Variants in ELP3 observed in about 807,000 individuals in gnomAD.
The protein encoded by ELP3 is elongator acetyltransferase complex subunit 3.
Under a neutral mutation model 74.9 loss-of-function variants are expected in ELP3, and 56 were observed. The observed-to-expected ratio is 0.75, with a 90% CI of 0.60 to 0.93. The LOEUF (loss-of-function observed/expected upper bound fraction) is 0.93, where lower values mean the gene tolerates loss of function less well. ELP3 is among the 40% of genes least tolerant of loss of function. The pLI, the probability that ELP3 is intolerant of heterozygous loss-of-function variation, is 0.00. For synonymous variants in ELP3, 222 were observed against 239.8 expected, an observed-to-expected ratio of 0.93 and a Z score of 0.68; for missense variants, 573 against 686.5, an observed-to-expected ratio of 0.83 and a Z score of 1.85.
intron 7 of ELP3, among the ~76,000 whole-genome samples, chr8:28,126,765 C>T (rs146166613): frequency 6.6e-5 from 10 of 152,222 alleles, no homozygotes; most frequent in South Asian, 4.2e-4. Context: ...AGCCTGTATG[C>T]GCATATTTGC....
chr8:28,175,258 C>T (rs910051313), intron 14 of ELP3, among the ~76,000 whole-genome samples: 4 of 152,180 alleles, frequency 2.6e-5, no homozygotes, highest in Admixed American at 6.5e-5. Context: ...CCCTCTGAAA[C>T]TCCAGCAATG....
In ELP3 at chr8:28,190,798, A is replaced by G. The variant is rs1419753890; in HGVS notation, c.*1073A>G. 6.6e-6 allele frequency: 1 copy of G among 152,206 alleles called. No individual in the cohort carries two copies. Among genetic ancestry groups the G allele is most frequent in the Non-Finnish European group, 1.5e-5 (1 of 68,042 alleles). 9.4% of individuals were successfully genotyped at this position (152,206 alleles called of 1,614,324 possible). Reference sequence around the variant, plus strand: ...GGTCTCGAACTCCTGACCTCAGGTGATCAACCCACCTTGGCCTCCCTAAAT... The same window carrying G: ...GGTCTCGAACTCCTGACCTCAGGTGGTCAACCCACCTTGGCCTCCCTAAAT... On this transcript the variant is annotated 3_prime_UTR_variant, in exon 15 of 15. Coordinates refer to ENST00000256398, the MANE Select transcript of ELP3 (RefSeq NM_018091.6).
intron 3 of ELP3, among the ~76,000 whole-genome samples, chr8:28,105,709 C>T (rs973999613): frequency 2.6e-5 from 4 of 152,200 alleles, no homozygotes; most frequent in Non-Finnish European, 5.9e-5. Flanking sequence ...ACCTTTAATT[C>T]CACCCAGCCC....
intron 14 of ELP3, among the ~76,000 whole-genome samples, chr8:28,185,466 G>A (rs1249577490): frequency 1.3e-5 from 2 of 152,218 alleles, no homozygotes; most frequent in African/African-American, 4.8e-5. Context: ...AGACACTGAT[G>A]ATAGAAGCCA....
intron 7 of ELP3, among the ~76,000 whole-genome samples, chr8:28,125,425 TC>T (rs1034863283): frequency 1.4e-4 from 21 of 152,210 alleles, no homozygotes; most frequent in Non-Finnish European, 2.8e-4. Flanking sequence ...CTCAGGCACA[TC>T]CAGTTGCAGT....
chr8:28,120,257 CT>C (rs1415154300), intron 7 of ELP3, among the ~76,000 whole-genome samples: 1 of 152,144 alleles, frequency 6.6e-6, no homozygotes, highest in South Asian at 2.1e-4. Flanking sequence ...TGTAGTCACT[CT>C]TTTTAATTTT....
At chr8:28,108,969 G>A (rs1391003028) in intron 5 of ELP3, among the ~76,000 whole-genome samples, 1 of 151,968 alleles carries the variant, frequency 6.6e-6, no homozygotes, top group Admixed American at 6.6e-5. Context: ...ATGTGAAAGG[G>A]GCATTCCTAG....
intron 13 of ELP3, 97 bp downstream of exon 13, chr8:28,160,553 G>A: frequency 9.7e-7 from 1 of 1,033,644 alleles, no homozygotes; most frequent in Non-Finnish European, 1.4e-6. Context: ...AGGCAGAGGA[G>A]CAGGAGAGGG....
chr8:28,155,543 T>TG (rs1813791619), intron 10 of ELP3, among the ~76,000 whole-genome samples: 1 of 152,246 alleles, frequency 6.6e-6, no homozygotes, highest in African/African-American at 2.4e-5. Flanking sequence ...AGCAGCTGTG[T>TG]GGGAAAATGT....
chr8:28,091,026 C>G (rs890457196), upstream of ELP3, among the ~76,000 whole-genome samples: 1 of 151,518 alleles, frequency 6.6e-6, no homozygotes, highest in Non-Finnish European at 1.5e-5. Context: ...CCTGCCTCAG[C>G]CTCCCAAGTA....
intron 14 of ELP3, among the ~76,000 whole-genome samples, chr8:28,172,450 T>C (rs759722591): frequency 2.6e-5 from 4 of 152,154 alleles, no homozygotes; most frequent in Non-Finnish European, 5.9e-5. Context: ...TTGTTCATTG[T>C]AAGCATATAG....
Position 28,137,815 on chromosome 8 carries a change from C to A in ELP3, c.1024C>A (p.Pro342Thr), listed in dbSNP as rs997438110. Residue 342 changes from proline (P) to threonine (T), a missense_variant, in exon 10 of 15, where the codon CCT becomes ACT. Pro to Thr is a conservative substitution (Grantham distance 38, BLOSUM62 -1). Transcript: ENST00000256398. ...WKSGRYKSYSPSDLVELVARI... is the reference protein window; with the variant it reads ...WKSGRYKSYSTSDLVELVARI... ...ATCAGGAAGATATAAGAGTTACTCT[C>A]CTAGTGACCTGGTTGAATTGGTGGC... 3.1e-6 allele frequency: 5 copies of A among 1,613,970 alleles called. No individual in the cohort carries two copies. Among genetic ancestry groups the A allele is most frequent in the Middle Eastern group, 1.6e-4 (1 of 6,082 alleles).
chr8:28,127,083 C>T (rs1812605004), intron 7 of ELP3, among the ~76,000 whole-genome samples: 1 of 151,952 alleles, frequency 6.6e-6, no homozygotes, highest in South Asian at 2.1e-4. Context: ...AATGACATTT[C>T]CCGCCTGAGG....
intron 10 of ELP3, 137 bp downstream of exon 10, chr8:28,138,028 A>G: frequency 1.3e-6 from 1 of 795,766 alleles, no homozygotes; most frequent in Non-Finnish European, 1.9e-6. Flanking sequence ...CTATCTGTAA[A>G]TAGGGAGGGA....
intron 9 of ELP3, among the ~76,000 whole-genome samples, chr8:28,136,127 A>G (rs573927535): frequency 6.6e-6 from 1 of 151,870 alleles, no homozygotes; most frequent in South Asian, 2.1e-4. Context: ...ACGTCCAGCT[A>G]ATTTTTGTAT....
intron 2 of ELP3, 54 bp downstream of exon 2, chr8:28,097,372 A>C (rs1811292575): frequency 8.0e-7 from 1 of 1,244,910 alleles, no homozygotes; most frequent in Non-Finnish European, 1.2e-6. Context: ...GATCTCTTTT[A>C]TGAAATTATC....
intron 3 of ELP3, among the ~76,000 whole-genome samples, chr8:28,106,136 CTTAA>C (rs1369500104): frequency 1.3e-5 from 2 of 152,128 alleles, no homozygotes; most frequent in African/African-American, 2.4e-5. Context: ...TTATTTTGTA[CTTAA>C]TTTATTGTAA....
chr8:28,145,170 T>C (rs562019388), intron 10 of ELP3, among the ~76,000 whole-genome samples: 1 of 152,348 alleles, frequency 6.6e-6, no homozygotes, highest in South Asian at 2.1e-4. Flanking sequence ...AGGCTGAGTG[T>C]TTATACAGCA....
At chr8:28,099,609 C>G (rs557933461) in intron 2 of ELP3, among the ~76,000 whole-genome samples, 1 of 152,324 alleles carries the variant, frequency 6.6e-6, no homozygotes, top group East Asian at 1.9e-4. Context: ...CCATAGTCCT[C>G]TGGTTTTCTT....
Sources: allele counts gnomAD v4.1 joint callset (sites outside exome capture counted in the v4.1 genomes callset), GRCh38; gene constraint gnomAD v4.1.1; transcripts MANE v1.5; gene names NCBI Gene and HGNC (gene_info 2026-07-23, HGNC 2026-07-21).